AUTS2: variants seen among roughly 807,000 people sequenced by gnomAD.
AUTS2 encodes activator of transcription and developmental regulator AUTS2, also known as autism susceptibility gene 2 protein.
AUTS2 carries 17 observed loss-of-function variants against 112.4 expected under a neutral mutation model. The observed-to-expected ratio is 0.15, with a 90% CI of 0.10 to 0.23. The LOEUF (loss-of-function observed/expected upper bound fraction) is 0.23. Ranked by LOEUF, AUTS2 falls within the 10% of genes least tolerant of loss-of-function variation. The pLI, the probability that AUTS2 is intolerant of heterozygous loss-of-function variation, is 1.00. For synonymous variants in AUTS2, 751 were observed against 702.7 expected (o/e 1.07, Z -1.09); for missense variants, 1,510 against 1,701.6 (o/e 0.89, Z 1.98).
chr7:70,726,612 A>G (rs1230482831), intron 6 of AUTS2, among the ~76,000 whole-genome samples: 5 of 152,198 alleles, frequency 3.3e-5, no homozygotes, highest in Non-Finnish European at 7.3e-5. Flanking sequence ...ACCTTCTATA[A>G]TTCTGTATCC....
At chr7:69,927,540 A>C (rs1395672038) in intron 2 of AUTS2, among the ~76,000 whole-genome samples, 1 of 152,032 alleles carries the variant, frequency 6.6e-6, no homozygotes, top group Non-Finnish European at 1.5e-5. Context: ...CCTCTGCTTC[A>C]GTTTTTCTCA....
At chr7:70,513,781 T>C (rs1055959408) in intron 5 of AUTS2, among the ~76,000 whole-genome samples, 5 of 151,506 alleles carry the variant, frequency 3.3e-5, no homozygotes, top group South Asian at 2.1e-4. Flanking sequence ...TGTCTCAGCC[T>C]CCCAGGTAGC....
At chr7:70,682,988 A>G (rs1464461901) in intron 5 of AUTS2, among the ~76,000 whole-genome samples, 3 of 152,202 alleles carry the variant, frequency 2.0e-5, no homozygotes, top group Non-Finnish European at 2.9e-5. Context: ...CAAACTCTGA[A>G]TCTCCAGCAT....
At chr7:70,368,274 T>C (rs775617698) in intron 4 of AUTS2, among the ~76,000 whole-genome samples, 1 of 152,046 alleles carries the variant, frequency 6.6e-6, no homozygotes, top group Non-Finnish European at 1.5e-5. Context: ...ACTCAGTAAG[T>C]ATTAGTAGGA....
chr7:70,403,125 T>A (rs1197088791), intron 4 of AUTS2, among the ~76,000 whole-genome samples: 1 of 152,196 alleles, frequency 6.6e-6, no homozygotes, highest in Non-Finnish European at 1.5e-5. Context: ...CCTAGCCCCC[T>A]TTTTTACAAG....
At chr7:69,952,132 G>A (rs991589066) in intron 2 of AUTS2, among the ~76,000 whole-genome samples, 10 of 151,786 alleles carry the variant, frequency 6.6e-5, no homozygotes, top group Non-Finnish European at 1.5e-4. Flanking sequence ...TCTCTCAAGG[G>A]CTAATATTTA....
chr7:69,741,867 G>A (rs1409745448), intron 1 of AUTS2, among the ~76,000 whole-genome samples: 1 of 151,498 alleles, frequency 6.6e-6, no homozygotes, highest in Non-Finnish European at 1.5e-5. Context: ...TCAGTGGTGC[G>A]ATATTGGCTC....
At chr7:70,269,193 CTCT>C (rs1478912185) in intron 4 of AUTS2, among the ~76,000 whole-genome samples, 5 of 152,260 alleles carry the variant, frequency 3.3e-5, no homozygotes, top group South Asian at 2.1e-4. Context: ...TCTATCAATC[CTCT>C]TCTTCTCCTC....
At chr7:70,150,055 A>T (rs1807343763) in intron 4 of AUTS2, among the ~76,000 whole-genome samples, 1 of 152,134 alleles carries the variant, frequency 6.6e-6, no homozygotes, top group South Asian at 2.1e-4. Context: ...GCCAAGATTT[A>T]TTAAACTAAT....
chr7:70,683,338 T>C (rs995088326), intron 5 of AUTS2, among the ~76,000 whole-genome samples: 1 of 152,234 alleles, frequency 6.6e-6, no homozygotes, highest in Non-Finnish European at 1.5e-5. Context: ...TTTATTTATT[T>C]ACTCATTGAT....
intron 4 of AUTS2, among the ~76,000 whole-genome samples, chr7:70,348,623 T>C (rs970936267): frequency 6.6e-6 from 1 of 151,468 alleles, no homozygotes; most frequent in Non-Finnish European, 1.5e-5. Flanking sequence ...GCTAACACGG[T>C]GAAACCCCGT....
At chr7:70,148,125 C>T (rs1343702010) in intron 4 of AUTS2, among the ~76,000 whole-genome samples, 3 of 151,942 alleles carry the variant, frequency 2.0e-5, no homozygotes, top group Admixed American at 6.6e-5. Context: ...TAGGACATTC[C>T]AGACAAGATC....
chr7:70,144,402 A>G (rs1322774919), intron 4 of AUTS2, among the ~76,000 whole-genome samples: 2 of 152,112 alleles, frequency 1.3e-5, no homozygotes, highest in African/African-American at 4.8e-5. Flanking sequence ...TGGGAGGAAC[A>G]TTAGTACTAG....
chr7:70,309,005 A>G (rs985054122), intron 4 of AUTS2, among the ~76,000 whole-genome samples: 1 of 152,164 alleles, frequency 6.6e-6, no homozygotes, highest in Non-Finnish European at 1.5e-5. Flanking sequence ...GTTAATTACC[A>G]CTGCTTTTAA....
chr7:70,139,480 A>G (rs983055812), intron 4 of AUTS2, among the ~76,000 whole-genome samples: 3 of 152,048 alleles, frequency 2.0e-5, no homozygotes, highest in African/African-American at 7.2e-5. Context: ...ATAGCATTCT[A>G]TTTTCAGTAG....
chr7:70,541,872 C>T (rs55695831), intron 5 of AUTS2, among the ~76,000 whole-genome samples: 12,798 of 152,214 alleles, frequency 0.084, 618 homozygotes, highest in African/African-American at 0.11. Context: ...GGCAGAACTA[C>T]ATATGCAGTG....
At chr7:70,324,502 G>C (rs956847772) in intron 4 of AUTS2, among the ~76,000 whole-genome samples, 8 of 152,012 alleles carry the variant, frequency 5.3e-5, no homozygotes, top group Non-Finnish European at 1.0e-4. Context: ...GTGTGCATCT[G>C]TGGTCCCAAC....
At chr7:69,605,553 C>T (rs188216038) in intron 1 of AUTS2, among the ~76,000 whole-genome samples, 64 of 152,224 alleles carry the variant, frequency 4.2e-4, no homozygotes, top group African/African-American at 1.3e-3. Flanking sequence ...TATTGCTGCT[C>T]TTTGGCAACC....
chr7:70,518,117 GA>G (rs1187719980), intron 5 of AUTS2, among the ~76,000 whole-genome samples: 1 of 152,176 alleles, frequency 6.6e-6, no homozygotes, highest in East Asian at 1.9e-4. Context: ...TGAACATTCA[GA>G]AACAGAATGG....
Sources: gnomAD v4.1 joint callset for allele counts (sites outside exome capture counted in the v4.1 genomes callset) on GRCh38, gnomAD v4.1.1 for gene constraint, MANE v1.5 for transcripts, NCBI Gene and HGNC (gene_info 2026-07-23, HGNC 2026-07-21) for gene names.